Variants in CRB2 observed in about 807,000 individuals in gnomAD.
CRB2 encodes the protein protein crumbs homolog 2.
Under a neutral mutation model 110.9 loss-of-function variants are expected in CRB2, and 85 were observed. The ratio of observed to expected loss-of-function variants is 0.77; its 90% CI spans 0.64 to 0.92. The LOEUF is 0.92. Among genes scored for constraint, CRB2 ranks in the 40% least tolerant of loss-of-function variants. CRB2 has a pLI of 0.00. For missense variants in CRB2, 1,843 were observed against 1,851.3 expected (o/e 1.00, Z 0.08); for synonymous variants, 907 against 831.0 (o/e 1.09, Z -1.57).
chr9:123,373,278 C>G lies in CRB2; in HGVS notation c.2747C>G (p.Ala916Gly). ...EAWLLRAAAG[A>G]LEGVWLAVRN... Reference sequence around the variant, plus strand: ...TGGCTGCTGCGTGCCGCGGCGGGCGCCCTGGAAGGCGTGTGGCTGGCGGTG... The same window carrying G: ...TGGCTGCTGCGTGCCGCGGCGGGCGGCCTGGAAGGCGTGTGGCTGGCGGTG... Residue 916 changes from alanine to glycine, a missense_variant, in exon 10 of 13, where the codon GCC (alanine) becomes GGC (glycine). Transcript: ENST00000373631. 6.7e-7 allele frequency: 1 copy of G among 1,482,004 alleles called. No individual in the cohort carries two copies. The highest frequency in any genetic ancestry group is 2.3e-5 in the Admixed American group (1 of 42,904). The allele number at this position is 1,482,004 out of a possible 1,614,324, so 91.8% of individuals were successfully genotyped here.
intron 12 of CRB2, among the ~76,000 whole-genome samples, chr9:123,376,252 A>T (rs1042967613): frequency 6.6e-6 from 1 of 152,146 alleles, no homozygotes; most frequent in Non-Finnish European, 1.5e-5. Context: ...TGAGTCCCAG[A>T]GCCCATGCCT....
chr9:123,368,765 G>A, intron 6 of CRB2: 1 of 1,150,764 alleles, frequency 8.7e-7, no homozygotes, highest in Non-Finnish European at 1.1e-6. Context: ...GCATGGGGGA[G>A]GCCAGTGCCT....
intron 1 of CRB2, among the ~76,000 whole-genome samples, chr9:123,357,544 C>T (rs1269969368): frequency 6.6e-6 from 1 of 151,398 alleles, no homozygotes; most frequent in East Asian, 2.0e-4. Context: ...TGAAGGAAAC[C>T]AAGGCTCAGA....
At chr9:123,365,870 G>A (rs745677613) in intron 2 of CRB2, 47 bp from the exon 3 acceptor site, 5 of 1,528,044 alleles carry the variant, frequency 3.3e-6, no homozygotes, top group Non-Finnish European at 4.4e-6. Context: ...CTTCCGCCCT[G>A]CTCTGGGTGT....
At chr9:123,362,770 T>G in intron 1 of CRB2, 95 bp from the exon 2 acceptor site, 1 of 1,229,702 alleles carries the variant, frequency 8.1e-7, no homozygotes, top group Non-Finnish European at 1.1e-6. Flanking sequence ...AGACCCACGT[T>G]GCTTTTGGGG....
chr9:123,373,072 G>A (rs1588216860), intron 9 of CRB2, 62 bp from the exon 10 acceptor site: 14 of 1,341,010 alleles, frequency 1.0e-5, no homozygotes, highest in Admixed American at 2.9e-5. Flanking sequence ...GGGGGAAGTG[G>A]GGAGGTGGCA....
At chr9:123,374,159 GC>G (rs2132797106) in intron 10 of CRB2, 1 of 674,002 alleles carries the variant, frequency 1.5e-6, no homozygotes, top group Non-Finnish European at 2.6e-6. Flanking sequence ...GGAGCCGCCT[GC>G]CGCTTACACG....
At chr9:123,375,034 CCTT>C (rs1377091021) in intron 11 of CRB2, among the ~76,000 whole-genome samples, 180 bp from the exon 12 acceptor site, 3 of 152,198 alleles carry the variant, frequency 2.0e-5, no homozygotes, top group Non-Finnish European at 4.4e-5. Context: ...GGATGAGAGT[CCTT>C]CTCAGTGACG....
intron 2 of CRB2, among the ~76,000 whole-genome samples, chr9:123,363,393 G>A (rs763247271): frequency 1.3e-5 from 2 of 152,214 alleles, no homozygotes; most frequent in African/African-American, 2.4e-5. Flanking sequence ...GGGTGCTGGC[G>A]TGGTGTGTGG....
intron 8 of CRB2, 78 bp downstream of exon 8, chr9:123,371,656 G>C: frequency 6.3e-7 from 1 of 1,583,936 alleles, no homozygotes; most frequent in Non-Finnish European, 8.6e-7. Context: ...CCGGGGCTTA[G>C]TGTGTCCTTT....
chr9:123,373,953 A>T, intron 10 of CRB2, 33 bp downstream of exon 10: 1 of 1,549,814 alleles, frequency 6.5e-7, no homozygotes, highest in East Asian at 2.4e-5. Context: ...TGGGCTGCGA[A>T]TGCCCCCTGG....
At chr9:123,367,125 G>T (rs765014644) in intron 4 of CRB2, 47 bp from the exon 5 acceptor site, 3 of 1,512,598 alleles carry the variant, frequency 2.0e-6, no homozygotes, top group South Asian at 1.3e-5. Context: ...AAGAGGTGCT[G>T]CCCGGCAACC....
In CRB2 at chr9:123,362,863, A is replaced by G; in HGVS notation, c.95-2A>G. On this transcript the variant is annotated splice_acceptor_variant, in intron 1 of 12. Coordinates refer to ENST00000373631, the MANE Select transcript of CRB2 (RefSeq NM_173689.7). LOFTEE classifies it high-confidence loss of function. ...TGCCCAGCCAGTTTCTTCTTTCTAC[A>G]GGGACGGTGCCTTCAGAGCCCCCCA... is the stretch of plus-strand genomic sequence containing the variant. 1 of 1,571,856 alleles carries G rather than the reference A, an allele frequency of 6.4e-7. No individual in the cohort carries two copies. The highest frequency in any genetic ancestry group is 8.7e-7 in the Non-Finnish European group (1 of 1,151,402).
In CRB2 at chr9:123,370,607, T is replaced by C. The variant is rs373606475; in HGVS notation, c.1554T>C (p.His518=). ...RLPDLALNDG[H]WHQVEVVLHL... ...CGGACCTGGCCCTAAACGATGGCCATTGGCACCAGGTGGAGGTTGTGCTCC... is the reference window on the plus strand; with the variant it reads ...CGGACCTGGCCCTAAACGATGGCCACTGGCACCAGGTGGAGGTTGTGCTCC... Residue 518 remains histidine, a synonymous_variant, in exon 7 of 13, where the codon CAT becomes CAC. Coordinates refer to ENST00000373631, the MANE Select transcript of CRB2 (RefSeq NM_173689.7). 45 of 1,612,410 alleles carry C rather than the reference T, an allele frequency of 2.8e-5. No homozygotes were observed. Among genetic ancestry groups the C allele is most frequent in the Middle Eastern group, 1.6e-4 (1 of 6,082 alleles).
intron 1 of CRB2, among the ~76,000 whole-genome samples, chr9:123,360,553 C>T (rs2041855881): frequency 6.6e-6 from 1 of 152,236 alleles, no homozygotes; most frequent in South Asian, 2.1e-4. Flanking sequence ...GCGGTTCCCA[C>T]ACCTAAAAGT....
chr9:123,363,288 G>A, intron 2 of CRB2, 100 bp downstream of exon 2: 2 of 1,289,084 alleles, frequency 1.6e-6, no homozygotes, highest in Non-Finnish European at 2.1e-6. Flanking sequence ...TTCGTGTAGG[G>A]ACGCCCCCAG....
At chr9:123,365,852 C>T (rs1479627094) in intron 2 of CRB2, 65 bp from the exon 3 acceptor site, 3 of 1,399,380 alleles carry the variant, frequency 2.1e-6, no homozygotes, top group Non-Finnish European at 9.5e-7. Flanking sequence ...GCAGGCCTGG[C>T]GCGACCTCTT....
At chr9:123,357,678 A>G (rs1402125766) in intron 1 of CRB2, among the ~76,000 whole-genome samples, 2 of 152,008 alleles carry the variant, frequency 1.3e-5, no homozygotes, top group Non-Finnish European at 2.9e-5. Flanking sequence ...AAAGCACGTG[A>G]GATCCCGGTC....
At chr9:123,374,723 G>T in intron 11 of CRB2, 28 bp downstream of exon 11, 2 of 1,532,976 alleles carry the variant, frequency 1.3e-6, no homozygotes, top group South Asian at 1.1e-5. Context: ...GGAACTGTGA[G>T]GAGGTCCAAT....
Sources: allele counts gnomAD v4.1 joint callset (sites outside exome capture counted in the v4.1 genomes callset), GRCh38; gene constraint gnomAD v4.1.1; transcripts MANE v1.5; gene names NCBI Gene and HGNC (gene_info 2026-07-23, HGNC 2026-07-21).